The following EYS variants were observed in gnomAD, a reference collection of about 807,000 sequenced individuals.
The protein encoded by EYS is EGF-like photoreceptor maintenance factor.
EYS carries 250 observed loss-of-function variants against 282.1 expected under a neutral mutation model. That is an observed-to-expected ratio of 0.89 (90% CI 0.80 to 0.98). The LOEUF is 0.98. Among genes scored for constraint, EYS ranks in the 50% least tolerant of loss-of-function variants. EYS has a pLI of 0.00. For missense variants in EYS, 4,016 were observed against 3,709.0 expected, an observed-to-expected ratio of 1.08 and a Z score of -2.15; for synonymous variants, 1,355 against 1,282.9, an observed-to-expected ratio of 1.06 and a Z score of -1.20.
At chr6:65,253,102 A>C (rs1767369000) in intron 12 of EYS, among the ~76,000 whole-genome samples, 1 of 152,010 alleles carries the variant, frequency 6.6e-6, no homozygotes, top group Non-Finnish European at 1.5e-5. Context: ...AAATCCATAG[A>C]TTCAATAAAT....
At chr6:65,353,979 A>G (rs1344540659) in intron 8 of EYS, among the ~76,000 whole-genome samples, 1 of 152,130 alleles carries the variant, frequency 6.6e-6, no homozygotes, top group Non-Finnish European at 1.5e-5. Flanking sequence ...CGGTTGAATT[A>G]GCACAATAAA....
At chr6:65,353,728 T>G in intron 8 of EYS, 111 bp from the exon 9 acceptor site, 1 of 805,084 alleles carries the variant, frequency 1.2e-6, no homozygotes, top group Non-Finnish European at 2.1e-6. Flanking sequence ...ATAGAAAACT[T>G]TATGGGACAC....
chr6:64,592,780 CAG>C (rs1167343855), intron 25 of EYS, among the ~76,000 whole-genome samples: 2 of 151,972 alleles, frequency 1.3e-5, no homozygotes, highest in Non-Finnish European at 2.9e-5. Context: ...CTTAATGACT[CAG>C]AGAATATGAA....
chr6:65,677,743 G>A lies in EYS; in HGVS notation c.-448+29392C>T, dbSNP rs569535267. Among the ~76,000 whole-genome samples, 8 of 151,976 alleles carry A rather than the reference G, an allele frequency of 5.3e-5. No individual in the cohort carries two copies. The South Asian group carries it at 1.7e-3, about 31-fold the overall frequency. On this transcript the variant is annotated intron_variant, in intron 1 of 42. Coordinates refer to ENST00000503581, the MANE Select transcript of EYS (RefSeq NM_001142800.2). ...AAAGAACCACAAAGGACCCCCAATA[G>A]CCAGACAGTCTCATGCAATAACAAA...
chr6:65,510,488 C>A (rs1766826882), intron 2 of EYS, among the ~76,000 whole-genome samples: 1 of 151,958 alleles, frequency 6.6e-6, no homozygotes, highest in African/African-American at 2.4e-5. Context: ...TTTAAAACTT[C>A]AAATATCTCA....
At chr6:64,877,661 A>G in intron 19 of EYS, among the ~76,000 whole-genome samples, 1 of 152,222 alleles carries the variant, frequency 6.6e-6, no homozygotes, top group East Asian at 1.9e-4. Flanking sequence ...GACCTCCAAC[A>G]AGAAGAATAC....
At chr6:65,372,079 A>G (rs1048891665) in intron 8 of EYS, among the ~76,000 whole-genome samples, 1 of 151,868 alleles carries the variant, frequency 6.6e-6, no homozygotes. Context: ...AAAGTAGATT[A>G]GTTTTAAATT....
intron 41 of EYS, among the ~76,000 whole-genome samples, chr6:63,739,980 G>A (rs1224850523): frequency 1.3e-5 from 2 of 151,866 alleles, no homozygotes; most frequent in Admixed American, 1.3e-4. Context: ...TTACAGGTGT[G>A]AGCCACCATG....
In EYS at chr6:63,721,413, T is replaced by G; in HGVS notation, c.8618A>C (p.Asp2873Ala). The change falls in exon 43 of 43, where the codon GAC becomes GCC. Residue 2873 changes from aspartate to alanine, a missense_variant. Asp to Ala is a moderately radical substitution (Grantham distance 126). Coordinates refer to ENST00000503581, the MANE Select transcript of EYS (RefSeq NM_001142800.2). ...FGAKGGSNVG[D>A]CDGTACGYNT... ...GTACCCACAGGCTGTCCCATCACAG[T>G]CACCTACATTTGAGCCACCTTTTGC... The G allele has an allele frequency of 6.4e-7, 1 of 1,551,736 alleles. No individual in the cohort carries two copies. Among genetic ancestry groups the G allele is most frequent in the Non-Finnish European group, 8.7e-7 (1 of 1,146,950 alleles).
chr6:64,451,638 A>G (rs369579886), intron 26 of EYS, among the ~76,000 whole-genome samples: 2 of 152,128 alleles, frequency 1.3e-5, no homozygotes, highest in Non-Finnish European at 2.9e-5. Context: ...GAATCCAGCA[A>G]CACATCAAAA....
chr6:64,677,186 C>G (rs1220862429), intron 22 of EYS, among the ~76,000 whole-genome samples: 1 of 152,118 alleles, frequency 6.6e-6, no homozygotes, highest in East Asian at 1.9e-4. Context: ...TTATCACAAT[C>G]TCCCCAACTG....
At chr6:64,797,599 T>G (rs1774397656) in intron 22 of EYS, among the ~76,000 whole-genome samples, 1 of 152,074 alleles carries the variant, frequency 6.6e-6, no homozygotes, top group Non-Finnish European at 1.5e-5. Flanking sequence ...TTATCTCCAT[T>G]TTTTCTGAGT....
At chr6:65,068,761 T>TA (rs1183363707) in intron 12 of EYS, among the ~76,000 whole-genome samples, 4 of 151,920 alleles carry the variant, frequency 2.6e-5, no homozygotes, top group South Asian at 2.1e-4. Context: ...GCTCTGATGT[T>TA]AAAAAAAATT....
chr6:64,798,066 C>T (rs908276509), intron 22 of EYS, among the ~76,000 whole-genome samples: 2 of 151,670 alleles, frequency 1.3e-5, no homozygotes, highest in Non-Finnish European at 2.9e-5. Context: ...TATAAAGTAA[C>T]AAATAAATAT....
At chr6:64,390,641 G>A (rs889590964) in intron 28 of EYS, among the ~76,000 whole-genome samples, 11 of 150,212 alleles carry the variant, frequency 7.3e-5, no homozygotes, top group Admixed American at 6.6e-4. Flanking sequence ...CATCATCAAA[G>A]ACCAAAAGTA....
intron 19 of EYS, among the ~76,000 whole-genome samples, chr6:64,876,457 G>A (rs996855399): frequency 2.6e-5 from 4 of 152,234 alleles, no homozygotes; most frequent in African/African-American, 9.6e-5. Flanking sequence ...CTTACTTGAA[G>A]TGAAATATGA....
chr6:65,315,001 A>G (rs1769261977), intron 11 of EYS, among the ~76,000 whole-genome samples: 1 of 152,098 alleles, frequency 6.6e-6, no homozygotes, highest in Admixed American at 6.5e-5. Flanking sequence ...GAATTTGCTG[A>G]GACCACCCAC....
Position 63,910,084 on chromosome 6 carries a change from A to G in EYS, c.7056-45726T>C, listed in dbSNP as rs557657862. On this transcript the variant is annotated intron_variant, in intron 35 of 42. Coordinates refer to ENST00000503581, the MANE Select transcript of EYS (RefSeq NM_001142800.2). ...AGGAAGAGGAGGAGCTTAAAAGAAG[A>G]CTGAAAAATGGGAGAAACGGAAGAA... is the stretch of plus-strand genomic sequence containing the variant. Among the ~76,000 whole-genome samples, 4 of 152,316 alleles carry G rather than the reference A, an allele frequency of 2.6e-5. No homozygotes were observed. In the South Asian group the frequency reaches 8.3e-4, roughly 32 times the overall value.
At chr6:65,193,120 A>ATC (rs1426405432) in intron 12 of EYS, among the ~76,000 whole-genome samples, 1 of 151,940 alleles carries the variant, frequency 6.6e-6, no homozygotes, top group African/African-American at 2.4e-5. Context: ...TAAGGAATTG[A>ATC]TCTCATGGGG....
Sources: gnomAD v4.1 joint callset for allele counts (sites outside exome capture counted in the v4.1 genomes callset) on GRCh38, gnomAD v4.1.1 for gene constraint, MANE v1.5 for transcripts, NCBI Gene and HGNC (gene_info 2026-07-23, HGNC 2026-07-21) for gene names.